The following STAM2 variants were observed in gnomAD, a reference collection of about 807,000 sequenced individuals.
STAM2 encodes the protein signal transducing adapter molecule 2.
In STAM2, 51 loss-of-function variants were observed where a neutral mutation model predicts 65.6. The ratio of observed to expected loss-of-function variants is 0.78; its 90% confidence interval spans 0.62 to 0.98. STAM2 has a LOEUF of 0.98. Ranked by LOEUF, STAM2 falls within the 50% of genes least tolerant of loss-of-function variation. The pLI is 0.00. For missense variants in STAM2, 584 were observed against 617.8 expected (o/e 0.95, Z 0.58); for synonymous variants, 198 against 208.4 (o/e 0.95, Z 0.43).
At chr2:152,136,917 C>A (rs1302350178) in intron 7 of STAM2, among the ~76,000 whole-genome samples, 8 of 131,646 alleles carry the variant, frequency 6.1e-5, no homozygotes, top group African/African-American at 2.3e-4. Context: ...TTTTTTGAGA[C>A]GAGGTCTTGC....
In STAM2 at chr2:152,150,126, G is replaced by C; in HGVS notation, c.125+19C>G. On this transcript the variant is annotated intron_variant, in intron 2 of 13. Transcript: ENST00000263904. ...TATCAAGTTCCTAGACATTCACTGAGCATGACTGGACATCTTACCCATTAG... is the reference window on the plus strand; with the variant it reads ...TATCAAGTTCCTAGACATTCACTGACCATGACTGGACATCTTACCCATTAG... 1.3e-6 allele frequency: 2 copies of C among 1,534,500 alleles called. No homozygotes were observed. Among genetic ancestry groups the C allele is most frequent in the Non-Finnish European group, 1.8e-6 (2 of 1,109,266 alleles).
At chr2:152,142,981 C>T (rs1689276170) in intron 7 of STAM2, among the ~76,000 whole-genome samples, 1 of 152,178 alleles carries the variant, frequency 6.6e-6, no homozygotes, top group Non-Finnish European at 1.5e-5. Context: ...GCTATCTGGG[C>T]TCCAACAGCA....
intron 1 of STAM2, among the ~76,000 whole-genome samples, chr2:152,157,258 T>C (rs1439373705): frequency 6.6e-6 from 1 of 152,122 alleles, no homozygotes; most frequent in Non-Finnish European, 1.5e-5. Context: ...CTAGCAGAGA[T>C]TACCTGCTAT....
intron 12 of STAM2, among the ~76,000 whole-genome samples, chr2:152,125,382 G>T (rs1055965572): frequency 6.6e-6 from 1 of 152,098 alleles, no homozygotes; most frequent in Non-Finnish European, 1.5e-5. Flanking sequence ...TCTAAATTAT[G>T]CACCCACATT....
Position 152,148,110 on chromosome 2 carries a change from A to G in STAM2, c.214T>C (p.Cys72Arg). The G allele has an allele frequency of 6.2e-7, 1 of 1,605,130 alleles. No individual in the cohort carries two copies. ...ALQALTLLGA[C>R]VANCGKIFHL... ...AATATCTTTCCACAGTTTGCCACAC[A>G]AGCCCCAAGAAGCTATTAATTGAAA... The change falls in exon 4 of 14, where the codon TGT (cysteine) becomes CGT (arginine). Residue 72 changes from cysteine to arginine, a missense_variant. Transcript: ENST00000263904.
rs183165094 is a variant in STAM2 at position 152,153,955 on chromosome 2, A to C, written c.41-3726T>G. ...TAAAAGTTAATGCAAAATTAAATAA[A>C]ATAGTATAAGGTGTATAAAGGCAGC... is the stretch of plus-strand genomic sequence containing the variant. On this transcript the variant is annotated intron_variant, in intron 1 of 13. Coordinates refer to ENST00000263904, the MANE Select transcript of STAM2 (RefSeq NM_005843.6). 5.9e-5 allele frequency among the ~76,000 whole-genome samples: 9 copies of C among 152,212 alleles called. No individual in the cohort carries two copies. In the East Asian group the frequency reaches 1.7e-3, roughly 29 times the overall value.
chr2:152,146,114 A>C (rs914983847), intron 5 of STAM2, among the ~76,000 whole-genome samples: 1 of 151,822 alleles, frequency 6.6e-6, no homozygotes, highest in African/African-American at 2.4e-5. Flanking sequence ...TACTAAAAAT[A>C]CAAAAAATTA....
At chr2:152,150,032 TGTTCAAGG>T in intron 2 of STAM2, 105 bp downstream of exon 2, 1 of 701,680 alleles carries the variant, frequency 1.4e-6, no homozygotes. Flanking sequence ...AAATCTGTGT[TGTTCAAGG>T]GTCAACTGTG....
chr2:152,166,053 A>G (rs1298876575), intron 1 of STAM2, among the ~76,000 whole-genome samples: 1 of 152,056 alleles, frequency 6.6e-6, no homozygotes, highest in Non-Finnish European at 1.5e-5. Context: ...AAATACAAAA[A>G]CTAGCCAGGC....
Position 152,143,976 on chromosome 2 carries a change from G to A in STAM2, c.555C>T (p.His185=). 2 of 1,612,944 alleles carry A rather than the reference G, an allele frequency of 1.2e-6. No individual in the cohort carries two copies. Residue 185 remains histidine (H), a synonymous_variant, in exon 7 of 14, where the codon CAC becomes CAT. Coordinates refer to ENST00000263904, the MANE Select transcript of STAM2 (RefSeq NM_005843.6). ...ELSLQEQKQQ[H]TETKSLYPSS... ...ATGGATATAAGGATTTTGTTTCTGTGTGTTGCTGTTTCTGTTCTTGCAGCG... is the reference window on the plus strand; with the variant it reads ...ATGGATATAAGGATTTTGTTTCTGTATGTTGCTGTTTCTGTTCTTGCAGCG...
At chr2:152,156,307 T>C (rs937496358) in intron 1 of STAM2, among the ~76,000 whole-genome samples, 1 of 152,196 alleles carries the variant, frequency 6.6e-6, no homozygotes, top group Non-Finnish European at 1.5e-5. Flanking sequence ...GACTTCATAA[T>C]GGCCTGCCAA....
At chr2:152,135,748 A>G (rs1267594363) in intron 7 of STAM2, 145 bp from the exon 8 acceptor site, 2 of 599,378 alleles carry the variant, frequency 3.3e-6, no homozygotes, top group South Asian at 2.2e-5. Context: ...AATTTAATAA[A>G]CGATATTAAA....
chr2:152,164,248 C>T (rs1349844193), intron 1 of STAM2, among the ~76,000 whole-genome samples: 1 of 152,162 alleles, frequency 6.6e-6, no homozygotes, highest in African/African-American at 2.4e-5. Context: ...AGGTGGGTTC[C>T]CCGATAATAC....
At chr2:152,164,346 T>C (rs568493099) in intron 1 of STAM2, among the ~76,000 whole-genome samples, 72 of 152,174 alleles carry the variant, frequency 4.7e-4, no homozygotes, top group African/African-American at 1.7e-3. Context: ...ATTAACTTTT[T>C]TTTTTTTTTT....
intron 1 of STAM2, among the ~76,000 whole-genome samples, chr2:152,159,096 TATATATATATATATACACACACAG>T (rs1245029044): frequency 3.8e-5 from 5 of 132,616 alleles, no homozygotes; most frequent in Non-Finnish European, 6.2e-5. Context: ...AAAAAAACCA[TATATATATATATATACACACACAG>T]ATATATATAA....
At position 152,119,635 on chromosome 2, in the gene STAM2, A is replaced by G. The variant is rs1228414327; in HGVS notation, c.*939T>C. The G allele has an allele frequency of 6.6e-6, 1 of 152,262 alleles. No individual in the cohort carries two copies. Among genetic ancestry groups the G allele is most frequent in the East Asian group, 1.9e-4 (1 of 5,206 alleles). 9.4% of individuals were successfully genotyped at this position (152,262 alleles called of 1,614,324 possible). On this transcript the variant is annotated 3_prime_UTR_variant, in exon 14 of 14. Transcript: ENST00000263904. ...AGGATATGCAGCATCTCTGCACACC[A>G]CATTGCAGGAAGAAAAACAAATGGA...
intron 10 of STAM2, among the ~76,000 whole-genome samples, 159 bp downstream of exon 10, chr2:152,133,014 C>T (rs999135702): frequency 3.3e-5 from 5 of 151,984 alleles, no homozygotes; most frequent in African/African-American, 1.2e-4. Flanking sequence ...TATGACAATG[C>T]CTTCCAAGTA....
chr2:152,168,222 G>T (rs1415610597), intron 1 of STAM2, among the ~76,000 whole-genome samples: 1 of 151,630 alleles, frequency 6.6e-6, no homozygotes, highest in East Asian at 1.9e-4. Context: ...GTGCAGTGGC[G>T]CGATCTTGGC....
At chr2:152,140,821 T>C (rs558456319) in intron 7 of STAM2, among the ~76,000 whole-genome samples, 3 of 152,098 alleles carry the variant, frequency 2.0e-5, no homozygotes, top group Non-Finnish European at 2.9e-5. Flanking sequence ...CTTGATTATT[T>C]GAAATGGTAC....
Sources: allele counts gnomAD v4.1 joint callset (sites outside exome capture counted in the v4.1 genomes callset), GRCh38; gene constraint gnomAD v4.1.1; transcripts MANE v1.5; gene names NCBI Gene and HGNC (gene_info 2026-07-23, HGNC 2026-07-21).